LRRC4C: variants seen among roughly 807,000 people sequenced by gnomAD.
LRRC4C encodes the protein leucine-rich repeat-containing protein 4C.
In LRRC4C, 5 loss-of-function variants were observed where a neutral mutation model predicts 33.6. That is an observed-to-expected ratio of 0.15 (90% CI 0.08 to 0.31). LRRC4C has a LOEUF of 0.31. Ranked by LOEUF, LRRC4C falls within the 10% of genes least tolerant of loss-of-function variation. LRRC4C has a pLI of 1.00. For synonymous variants in LRRC4C, 329 were observed against 302.0 expected, an observed-to-expected ratio of 1.09 and a Z score of -0.93; for missense variants, 560 against 796.7, an observed-to-expected ratio of 0.70 and a Z score of 3.58.
At chr11:40,423,173 T>A (rs1290278150) in intron 3 of LRRC4C, among the ~76,000 whole-genome samples, 4 of 152,056 alleles carry the variant, frequency 2.6e-5, no homozygotes, top group Non-Finnish European at 5.9e-5. Flanking sequence ...CACATTTAAC[T>A]TATTGTTTTA....
At position 40,114,918 on chromosome 11, in the gene LRRC4C, C is replaced by T. The variant is rs1240150779; in HGVS notation, c.1375G>A (p.Val459Ile). The change falls in exon 7 of 7, where the codon GTA becomes ATA. Residue 459 changes from valine to isoleucine, a missense_variant. Around this residue, in one of 3 missense-constraint regions of LRRC4C, gnomAD observed 455 missense variants for 643.8 expected, o/e 0.71. Transcript: ENST00000528697. ...TCCTGAGACGGTTCCATAGTCTCTA[C>T]TGTGACGGTTGAAAAGTAAGAGAAA... ...TPFSYFSTVT[V>I]ETMEPSQDEA... 6.2e-7 allele frequency: 1 copy of T among 1,614,078 alleles called. No individual in the cohort carries two copies. Among genetic ancestry groups the T allele is most frequent in the East Asian group, 2.2e-5 (1 of 44,892 alleles).
chr11:41,427,721 G>A (rs1427791548), intron 1 of LRRC4C, among the ~76,000 whole-genome samples: 3 of 152,118 alleles, frequency 2.0e-5, no homozygotes, highest in Admixed American at 1.3e-4. Context: ...TGACCTGCAA[G>A]TATACATCCA....
chr11:40,271,316 C>G (rs1399125156), intron 4 of LRRC4C, among the ~76,000 whole-genome samples: 3 of 152,074 alleles, frequency 2.0e-5, no homozygotes, highest in Non-Finnish European at 4.4e-5. Context: ...AGGAGAGAGA[C>G]AGCAGAGCAG....
At chr11:40,697,573 CCT>C (rs1945633980) in intron 2 of LRRC4C, among the ~76,000 whole-genome samples, 1 of 152,040 alleles carries the variant, frequency 6.6e-6, no homozygotes, top group Admixed American at 6.6e-5. Flanking sequence ...GATCTGATTC[CCT>C]GATTCCTAAA....
At chr11:41,233,190 T>A (rs949263193) in intron 1 of LRRC4C, among the ~76,000 whole-genome samples, 3 of 152,040 alleles carry the variant, frequency 2.0e-5, no homozygotes, top group Admixed American at 6.6e-5. Flanking sequence ...GAAAGATAAT[T>A]CATGTGTGCA....
At chr11:40,894,826 G>C (rs932382773) in intron 2 of LRRC4C, among the ~76,000 whole-genome samples, 3 of 152,004 alleles carry the variant, frequency 2.0e-5, no homozygotes, top group South Asian at 4.1e-4. Flanking sequence ...TTCTTTTATG[G>C]AGATAAGATC....
At chr11:41,333,195 T>C (rs1951349204) in intron 1 of LRRC4C, among the ~76,000 whole-genome samples, 1 of 152,204 alleles carries the variant, frequency 6.6e-6, no homozygotes, top group Non-Finnish European at 1.5e-5. Context: ...CTAAATGCTT[T>C]GTAATTGAAG....
chr11:41,114,699 G>A (rs140201121), intron 1 of LRRC4C, among the ~76,000 whole-genome samples: 1 of 152,076 alleles, frequency 6.6e-6, no homozygotes, highest in Non-Finnish European at 1.5e-5. Context: ...CATAGTTTAT[G>A]ACAAGGATAT....
intron 3 of LRRC4C, among the ~76,000 whole-genome samples, chr11:40,410,677 T>C (rs1453362833): frequency 2.6e-5 from 4 of 152,132 alleles, no homozygotes; most frequent in South Asian, 4.1e-4. Flanking sequence ...TTTTATATCA[T>C]TGCTCATCAC....
chr11:41,264,788 A>G (rs1239256125), intron 1 of LRRC4C, among the ~76,000 whole-genome samples: 1 of 152,166 alleles, frequency 6.6e-6, no homozygotes, highest in Admixed American at 6.6e-5. Context: ...TATTTTTAGA[A>G]ACAGAGAAAA....
intron 1 of LRRC4C, among the ~76,000 whole-genome samples, chr11:41,218,720 T>C (rs1277687430): frequency 1.3e-5 from 2 of 151,438 alleles, no homozygotes; most frequent in Admixed American, 6.6e-5. Flanking sequence ...CATATTACTA[T>C]TACCCCAAAT....
chr11:40,500,335 T>C (rs868594649), intron 3 of LRRC4C, among the ~76,000 whole-genome samples: 6 of 101,232 alleles, frequency 5.9e-5, no homozygotes, highest in Admixed American at 4.0e-4. Context: ...CACACACACA[T>C]TATATATATA....
At chr11:40,970,340 A>C (rs955844936) in intron 1 of LRRC4C, among the ~76,000 whole-genome samples, 2 of 151,960 alleles carry the variant, frequency 1.3e-5, no homozygotes, top group African/African-American at 4.8e-5. Flanking sequence ...ATTTCTCTGG[A>C]GTTCTGGTTG....
intron 1 of LRRC4C, among the ~76,000 whole-genome samples, chr11:41,020,072 T>C (rs891940792): frequency 6.6e-6 from 1 of 152,176 alleles, no homozygotes; most frequent in African/African-American, 2.4e-5. Flanking sequence ...GGCATTTTTG[T>C]CATGAAATCT....
intron 3 of LRRC4C, among the ~76,000 whole-genome samples, chr11:40,418,776 A>G (rs1950418398): frequency 6.6e-6 from 1 of 152,252 alleles, no homozygotes. Flanking sequence ...AATACTATGC[A>G]GCCATAAAAA....
intron 2 of LRRC4C, among the ~76,000 whole-genome samples, chr11:40,833,587 G>T (rs940432200): frequency 3.3e-5 from 5 of 151,746 alleles, no homozygotes; most frequent in African/African-American, 1.2e-4. Context: ...TGTGACTACT[G>T]GTTTCCATAT....
intron 5 of LRRC4C, among the ~76,000 whole-genome samples, chr11:40,222,021 T>C (rs1316250775): frequency 2.6e-5 from 4 of 152,146 alleles, no homozygotes; most frequent in South Asian, 2.1e-4. Flanking sequence ...CAATACTAGA[T>C]TCTGTATATA....
intron 2 of LRRC4C, among the ~76,000 whole-genome samples, chr11:40,838,147 T>C (rs1421199065): frequency 1.3e-5 from 2 of 152,184 alleles, no homozygotes; most frequent in African/African-American, 4.8e-5. Flanking sequence ...CTGAAAACTC[T>C]ACCTTCTTTT....
intron 3 of LRRC4C, among the ~76,000 whole-genome samples, chr11:40,500,289 TATATACACAC>T (rs60397078): frequency 0.12 from 10,039 of 82,928 alleles, 441 homozygotes; most frequent in Middle Eastern, 0.19. Flanking sequence ...TATATATATA[TATATACACAC>T]ACACACACAC....
Sources: allele counts gnomAD v4.1 joint callset (sites outside exome capture counted in the v4.1 genomes callset), GRCh38; gene constraint gnomAD v4.1.1; regional missense constraint gnomAD v4.1.1; transcripts MANE v1.5; gene names NCBI Gene and HGNC (gene_info 2026-07-23, HGNC 2026-07-21).